KHNYN: variants seen among roughly 807,000 people sequenced by gnomAD.
KHNYN encodes KH and NYN domain containing, also known as protein KHNYN.
Under a neutral mutation model 62.7 loss-of-function variants are expected in KHNYN, and 42 were observed. The observed-to-expected ratio is 0.67, with a 90% CI of 0.52 to 0.87. The LOEUF (loss-of-function observed/expected upper bound fraction) is 0.87, where lower values mean the gene tolerates loss of function less well. Among genes scored for constraint, KHNYN ranks in the 40% least tolerant of loss-of-function variants. The pLI, the probability that KHNYN is intolerant of heterozygous loss-of-function variation, is 0.00. For synonymous variants in KHNYN, 347 were observed against 345.6 expected (o/e 1.00, Z -0.04); for missense variants, 829 against 874.1 (o/e 0.95, Z 0.65).
intron 5 of KHNYN, chr14:24,435,775 G>A (rs762231305): frequency 1.6e-5 from 7 of 447,312 alleles, no homozygotes; most frequent in Non-Finnish European, 2.8e-5. Flanking sequence ...CTTGCATCTA[G>A]TCAGTTGCCT....
chr14:24,430,203 G>T (rs2043079339), intron 1 of KHNYN, 84 bp downstream of exon 1: 3 of 947,036 alleles, frequency 3.2e-6, no homozygotes, highest in Non-Finnish European at 2.5e-6. Flanking sequence ...GGCTGCCCCA[G>T]TCCGCGGTGG....
intron 5 of KHNYN, chr14:24,435,695 T>TCTC: frequency 3.9e-6 from 1 of 257,030 alleles, no homozygotes; most frequent in South Asian, 5.3e-5. Context: ...TGAAGGACTA[T>TCTC]GGTTGGCAGA....
At position 24,431,887 on chromosome 14, in the gene KHNYN, G is replaced by A. The variant is rs186605874; in HGVS notation, c.626G>A (p.Trp209Ter). ...CAGGGGCCAGGAGCACTGGCTTCTT[G>A]GGAGGGGCGGAGCTCAGCCTTGCTG... The part of the protein sequence containing the change: ...SGQGPGALAS[W>*]EGRSSALLGA... Residue 209 changes from tryptophan to a stop codon, truncating the protein, a stop_gained, in exon 3 of 8, where the codon TGG becomes TAG. Coordinates refer to ENST00000553935, the MANE Select transcript of KHNYN (RefSeq NM_015299.3). LOFTEE classifies it high-confidence loss of function. 6.2e-7 allele frequency: 1 copy of A among 1,614,046 alleles called. No homozygotes were observed. Among genetic ancestry groups the A allele is most frequent in the Non-Finnish European group, 8.5e-7 (1 of 1,180,030 alleles).
At chr14:24,427,596 T>A (rs940235633), upstream of KHNYN, 1 of 441,304 alleles carries the variant, frequency 2.3e-6, no homozygotes, top group African/African-American at 7.1e-5. This position sits in a 1 kb window ranked among gnomAD's most constrained non-coding sequence, Gnocchi z 4.4. Context: ...GGTGGGTGGG[T>A]GGAAAGGCCT....
At position 24,435,925 on chromosome 14, in the gene KHNYN, G is replaced by T. The variant is rs182190699; in HGVS notation, c.1578-147G>T. The T allele has an allele frequency of 1.7e-3, 1,125 of 647,282 alleles. 17 individuals are homozygous for T. The highest frequency in any genetic ancestry group is 4.4e-4 in the Non-Finnish European group (159 of 364,660). The allele number at this position is 647,282 out of a possible 1,614,324, so 40.1% of individuals were successfully genotyped here. A position where few individuals can be genotyped will look rare whatever the true frequency, so the allele number is the denominator to read the frequency against. On this transcript the variant is annotated intron_variant, in intron 5 of 7. Coordinates refer to ENST00000553935, the MANE Select transcript of KHNYN (RefSeq NM_015299.3). ...TTTTTACTTTTATTTTTGTAGATTT[G>T]GGGGATACCAATACAGTTTTGCTAC... is the stretch of plus-strand genomic sequence containing the variant.
At chr14:24,435,822 C>T (rs2043195909) in intron 5 of KHNYN, 1 of 524,434 alleles carries the variant, frequency 1.9e-6, no homozygotes, top group African/African-American at 1.9e-5. Context: ...GCCAGATCTC[C>T]ATCACCAGAA....
intron 5 of KHNYN, among the ~76,000 whole-genome samples, chr14:24,435,140 C>A (rs1188481573): frequency 2.0e-5 from 3 of 152,144 alleles, no homozygotes; most frequent in Non-Finnish European, 2.9e-5. Context: ...TAAAAAAGTT[C>A]CCTTGGTAAT....
upstream of KHNYN, chr14:24,428,263 A>C: frequency 6.2e-7 from 1 of 1,612,162 alleles, no homozygotes; most frequent in Non-Finnish European, 8.5e-7. Context: ...TGAGCCGGGG[A>C]TGGGGGCCAG....
upstream of KHNYN, chr14:24,427,535 T>C: frequency 6.4e-6 from 3 of 471,326 alleles, no homozygotes; most frequent in Non-Finnish European, 7.3e-6. The surrounding 1 kb of genome is among the most constrained non-coding windows in gnomAD (Gnocchi z 4.4). Flanking sequence ...GCCCTGATCC[T>C]AGGGCTGCAG....
chr14:24,425,315 CTG>C (rs1158796985), upstream of KHNYN, among the ~76,000 whole-genome samples: 1 of 152,254 alleles, frequency 6.6e-6, no homozygotes, highest in Non-Finnish European at 1.5e-5. Context: ...GGAATAAACA[CTG>C]TAGCTCCTAG....
chr14:24,427,195 C>T (rs2043028517), upstream of KHNYN: 1 of 154,856 alleles, frequency 6.5e-6, no homozygotes, highest in Non-Finnish European at 1.4e-5. The surrounding 1 kb of genome is among the most constrained non-coding windows in gnomAD (Gnocchi z 4.4). Flanking sequence ...GTACCATGTT[C>T]AGTCTAGACA....
Position 24,437,407 on chromosome 14 carries a change from T to G in KHNYN, c.*122T>G. The stretch of plus-strand genomic sequence containing the variant: ...AGGCACCCTGAGTTGGTGCTTTGGA[T>G]CAGGGAAGCCACTTTGGGACAGGTC... On this transcript the variant is annotated 3_prime_UTR_variant, in exon 8 of 8. Transcript: ENST00000553935. The surrounding 1 kb of genome is among the most constrained non-coding windows in gnomAD (Gnocchi z 5.5). 1 of 1,229,116 alleles carries G rather than the reference T, an allele frequency of 8.1e-7. No homozygotes were observed. Among genetic ancestry groups the G allele is most frequent in the Non-Finnish European group, 1.1e-6 (1 of 896,136 alleles). 76.1% of individuals were successfully genotyped at this position (1,229,116 alleles called of 1,614,324 possible). A position where few individuals can be genotyped will look rare whatever the true frequency, so the allele number is the denominator to read the frequency against.
At position 24,440,867 on chromosome 14, in the gene KHNYN, C is replaced by G; in HGVS notation, c.*3582C>G. 6.2e-7 allele frequency: 1 copy of G among 1,613,986 alleles called. No individual in the cohort carries two copies. The highest frequency in any genetic ancestry group is 8.5e-7 in the Non-Finnish European group (1 of 1,179,874). On this transcript the variant is annotated 3_prime_UTR_variant, in exon 8 of 8. Transcript: ENST00000553935. Reference sequence around the variant, plus strand: ...TTGGTTACGAGGTTGGAGAAAAAGTCAAAGTCCCCTCCTGGGCTGTCTTCA... The same window carrying G: ...TTGGTTACGAGGTTGGAGAAAAAGTGAAAGTCCCCTCCTGGGCTGTCTTCA...
At chr14:24,434,189 T>C (rs774352926) in intron 5 of KHNYN, 7 of 985,300 alleles carry the variant, frequency 7.1e-6, no homozygotes, top group Non-Finnish European at 8.4e-6. Flanking sequence ...TTTTAATGAA[T>C]GTTAAAGGCA....
rs555126891 is a variant in KHNYN at position 24,438,465 on chromosome 14, A to G, written c.*1180A>G. The G allele has an allele frequency of 1.3e-5, 2 of 152,444 alleles. No homozygotes were observed. Among genetic ancestry groups the G allele is most frequent in the African/African-American group, 2.4e-5 (1 of 41,574 alleles). 9.4% of individuals were successfully genotyped at this position (152,444 alleles called of 1,614,324 possible). ...CGGAAGTTGAACCAGTTGGTTCTAG[A>G]TGAACCAATTATCTGGAAAATGAAA... On this transcript the variant is annotated 3_prime_UTR_variant, in exon 8 of 8. Coordinates refer to ENST00000553935, the MANE Select transcript of KHNYN (RefSeq NM_015299.3).
Position 24,437,346 on chromosome 14 carries a change from T to C in KHNYN, c.*61T>C. 6.4e-7 allele frequency: 1 copy of C among 1,555,300 alleles called. No homozygotes were observed. The highest frequency in any genetic ancestry group is 8.7e-7 in the Non-Finnish European group (1 of 1,148,268). On this transcript the variant is annotated 3_prime_UTR_variant, in exon 8 of 8. Coordinates refer to ENST00000553935, the MANE Select transcript of KHNYN (RefSeq NM_015299.3). This position sits in a 1 kb window ranked among gnomAD's most constrained non-coding sequence, Gnocchi z 5.5. ...TCCAGCCGCCTCCAGCTCAGCCCTT[T>C]CTGTGAGAGTCCCTCTGCTGCTCAC...
upstream of KHNYN, chr14:24,427,654 G>T: frequency 1.2e-6 from 1 of 820,744 alleles, no homozygotes; most frequent in Non-Finnish European, 2.0e-6. This position sits in a 1 kb window ranked among gnomAD's most constrained non-coding sequence, Gnocchi z 4.4. Flanking sequence ...TTGGGTGTTT[G>T]GCACAGGGTC....
Position 24,439,765 on chromosome 14 carries a change from G to A in KHNYN, c.*2480G>A. Reference sequence around the variant, plus strand: ...ATCTAGGCCAAAGAGATGAGCCAAGGTTAGTGAGACAATTTATTTTTATTG... The same window carrying A: ...ATCTAGGCCAAAGAGATGAGCCAAGATTAGTGAGACAATTTATTTTTATTG... On this transcript the variant is annotated 3_prime_UTR_variant, in exon 8 of 8. Transcript: ENST00000553935. 4.5e-6 allele frequency: 1 copy of A among 223,634 alleles called. No homozygotes were observed. Among genetic ancestry groups the A allele is most frequent in the Non-Finnish European group, 8.7e-6 (1 of 115,002 alleles). 13.9% of individuals were successfully genotyped at this position (223,634 alleles called of 1,614,324 possible).
At position 24,441,246 on chromosome 14, in the gene KHNYN, T is replaced by C. The variant is rs1028558536; in HGVS notation, c.*3961T>C. ...CTTGATGCAAGTTACTTAACCTCTC[T>C]GTATAGAATTTTCACATCTTTAAAA... is the stretch of plus-strand genomic sequence containing the variant. On this transcript the variant is annotated 3_prime_UTR_variant, in exon 8 of 8. Coordinates refer to ENST00000553935, the MANE Select transcript of KHNYN (RefSeq NM_015299.3). 6 of 469,892 alleles carry C rather than the reference T, an allele frequency of 1.3e-5. No individual in the cohort carries two copies. Among genetic ancestry groups the C allele is most frequent in the Middle Eastern group, 5.9e-4 (1 of 1,690 alleles). 29.1% of individuals were successfully genotyped at this position (469,892 alleles called of 1,614,324 possible).
Sources: gnomAD v4.1 joint callset for allele counts (sites outside exome capture counted in the v4.1 genomes callset) on GRCh38, gnomAD v4.1.1 for gene constraint, Gnocchi (gnomAD v3.1) non-coding constraint, MANE v1.5 for transcripts, NCBI Gene and HGNC (gene_info 2026-07-23, HGNC 2026-07-21) for gene names.